The following PTPRM variants were observed in gnomAD, a reference collection of about 807,000 sequenced individuals.
The protein encoded by PTPRM is protein tyrosine phosphatase receptor type M, also known as receptor-type tyrosine-protein phosphatase mu.
In PTPRM, 47 loss-of-function variants were observed where a neutral mutation model predicts 186.7. The observed-to-expected ratio is 0.25, with a 90% CI of 0.20 to 0.32. The LOEUF (loss-of-function observed/expected upper bound fraction) is 0.32, where lower values mean the gene tolerates loss of function less well. Among genes scored for constraint, PTPRM ranks in the 10% least tolerant of loss-of-function variants. The pLI is 1.00. For missense variants in PTPRM, 1,494 were observed against 1,865.0 expected (o/e 0.80, Z 3.66); for synonymous variants, 668 against 674.9 (o/e 0.99, Z 0.16).
intron 22 of PTPRM, among the ~76,000 whole-genome samples, chr18:8,342,804 T>A (rs900488086): frequency 2.6e-5 from 4 of 152,202 alleles, no homozygotes; most frequent in Non-Finnish European, 5.9e-5. Flanking sequence ...AAGAGCTTTT[T>A]AATGCTCAGA....
Position 7,943,053 on chromosome 18 carries a change from A to G in PTPRM, c.664-6128A>G, listed in dbSNP as rs140296108. Among the ~76,000 whole-genome samples the G allele has an allele frequency of 3.1e-3, 469 of 152,086 alleles. 1 individual carries two copies. The highest frequency in any genetic ancestry group is 9.2e-3 in the Admixed American group (140 of 15,284). On this transcript the variant is annotated intron_variant, in intron 5 of 32. Transcript: ENST00000580170. Reference sequence around the variant, plus strand: ...TGTATCTTTTTCCCTCGTGGATCACATCTTTCTGCGTGTTGGGTCATTTGG... The same window carrying G: ...TGTATCTTTTTCCCTCGTGGATCACGTCTTTCTGCGTGTTGGGTCATTTGG...
At chr18:8,293,066 G>A (rs529991502) in intron 19 of PTPRM, among the ~76,000 whole-genome samples, 2 of 152,138 alleles carry the variant, frequency 1.3e-5, no homozygotes, top group Non-Finnish European at 2.9e-5. Context: ...CTCCTCCAGT[G>A]AGGATCAGGT....
At chr18:8,203,057 G>A (rs547619411) in intron 14 of PTPRM, among the ~76,000 whole-genome samples, 6 of 152,096 alleles carry the variant, frequency 3.9e-5, no homozygotes, top group Non-Finnish European at 5.9e-5. Flanking sequence ...TGGTTACGGC[G>A]AATCAAACTG....
At chr18:8,129,500 T>G (rs1600725024) in intron 13 of PTPRM, among the ~76,000 whole-genome samples, 1 of 150,644 alleles carries the variant, frequency 6.6e-6, no homozygotes, top group South Asian at 2.1e-4. Context: ...GAATCAATAT[T>G]CAGTCTAACA....
intron 1 of PTPRM, among the ~76,000 whole-genome samples, chr18:7,617,147 T>G (rs1308909630): frequency 6.6e-6 from 1 of 152,202 alleles, no homozygotes; most frequent in Admixed American, 6.5e-5. Context: ...GGAGCATGTT[T>G]GGAAGTCACC....
intron 13 of PTPRM, among the ~76,000 whole-genome samples, chr18:8,125,976 CATATATATATATATATATATATATATAT>C (rs1178603481): frequency 0.043 from 2,588 of 59,764 alleles, 285 homozygotes; most frequent in African/African-American, 0.13. Context: ...TGTGTGTATA[CATATATATATATATATATATATATATAT>C]ATATATATAT....
At chr18:7,872,076 A>G (rs972311175) in intron 2 of PTPRM, among the ~76,000 whole-genome samples, 3 of 152,230 alleles carry the variant, frequency 2.0e-5, no homozygotes, top group African/African-American at 4.8e-5. Context: ...AGTGCCAGGC[A>G]TATCTCAGAT....
intron 1 of PTPRM, among the ~76,000 whole-genome samples, chr18:7,739,612 A>G (rs2040846442): frequency 6.6e-6 from 1 of 152,228 alleles, no homozygotes; most frequent in Admixed American, 6.5e-5. Context: ...GAGTGGATAC[A>G]GCAGGCACCT....
At position 7,776,240 on chromosome 18, in the gene PTPRM, G is replaced by A. The variant is rs144670473; in HGVS notation, c.196+1969G>A. On this transcript the variant is annotated intron_variant, in intron 2 of 32. Transcript: ENST00000580170. ...ATCTGTGAGTGTTACATCTTGTAAC[G>A]CTTTTGTCAAGTCTGACTTATTTCT... Among the ~76,000 whole-genome samples, 720 of 152,210 alleles carry A rather than the reference G, an allele frequency of 4.7e-3. 8 individuals carry two copies. Among genetic ancestry groups the A allele is most frequent in the African/African-American group, 0.016 (682 of 41,552 alleles).
At chr18:7,747,542 G>T (rs2041022992) in intron 1 of PTPRM, 1 of 152,320 alleles carries the variant, frequency 6.6e-6, no homozygotes, top group Non-Finnish European at 1.5e-5. Flanking sequence ...GGGAGAATCT[G>T]TTTCATGCCT....
chr18:7,652,809 C>T (rs1284403328), intron 1 of PTPRM, among the ~76,000 whole-genome samples: 6 of 150,658 alleles, frequency 4.0e-5, no homozygotes, highest in African/African-American at 9.8e-5. Flanking sequence ...TGTTAAATGA[C>T]GAGTTAATGG....
chr18:7,955,086 G>A (rs1212469265), intron 6 of PTPRM, 35 bp from the exon 7 acceptor site: 5 of 1,547,442 alleles, frequency 3.2e-6, no homozygotes, highest in Non-Finnish European at 4.4e-6. Context: ...TGAAGACAAA[G>A]CATCTGAAAG....
chr18:8,237,957 T>C (rs2094365956), intron 14 of PTPRM, among the ~76,000 whole-genome samples: 1 of 152,132 alleles, frequency 6.6e-6, no homozygotes, highest in African/African-American at 2.4e-5. Context: ...TTTCCCCCCT[T>C]GGATTTTTTT....
intron 1 of PTPRM, among the ~76,000 whole-genome samples, chr18:7,661,789 T>C (rs2038986430): frequency 6.6e-6 from 1 of 152,220 alleles, no homozygotes; most frequent in Non-Finnish European, 1.5e-5. Context: ...GGGTAAGTAT[T>C]GAATGGCATC....
chr18:7,811,317 G>C (rs565659235), intron 2 of PTPRM, among the ~76,000 whole-genome samples: 3 of 152,242 alleles, frequency 2.0e-5, no homozygotes, highest in African/African-American at 7.2e-5. Context: ...GTCCCAGCAA[G>C]GGGCTTTGCA....
At chr18:7,835,175 G>A (rs4798603) in intron 2 of PTPRM, among the ~76,000 whole-genome samples, 88,584 of 145,712 alleles carry the variant, frequency 0.61, 26,915 homozygotes, top group East Asian at 0.87. Context: ...TAAATTATTC[G>A]TTTGACATTT....
At chr18:7,645,992 G>A (rs9961570) in intron 1 of PTPRM, among the ~76,000 whole-genome samples, 46,583 of 152,054 alleles carry the variant, frequency 0.31, 11,446 homozygotes, top group African/African-American at 0.67. Context: ...GAAACTGTGT[G>A]CCCACAACCT....
chr18:8,201,757 C>T (rs571714275), intron 14 of PTPRM, among the ~76,000 whole-genome samples: 1 of 152,258 alleles, frequency 6.6e-6, no homozygotes, highest in Non-Finnish European at 1.5e-5. Flanking sequence ...CTAAAGACCT[C>T]ATTTAATTCT....
At chr18:7,797,874 G>C (rs1299482510) in intron 2 of PTPRM, among the ~76,000 whole-genome samples, 5 of 152,208 alleles carry the variant, frequency 3.3e-5, no homozygotes, top group Non-Finnish European at 5.9e-5. Flanking sequence ...GCCAGCACTG[G>C]TGGACATTCC....
Sources: allele counts gnomAD v4.1 joint callset (sites outside exome capture counted in the v4.1 genomes callset), GRCh38; gene constraint gnomAD v4.1.1; transcripts MANE v1.5; gene names NCBI Gene and HGNC (gene_info 2026-07-23, HGNC 2026-07-21).